The following PDE10A variants were observed in gnomAD, a reference collection of about 807,000 sequenced individuals.
PDE10A encodes phosphodiesterase 10A, also known as cAMP and cAMP-inhibited cGMP 3',5'-cyclic phosphodiesterase 10A.
Under a neutral mutation model 97.7 loss-of-function variants are expected in PDE10A, and 39 were observed. The observed-to-expected ratio is 0.40, with a 90% CI of 0.31 to 0.52. The LOEUF is 0.52. PDE10A is among the 20% of genes least tolerant of loss of function. The pLI is 0.56. For missense variants in PDE10A, 731 were observed against 1,047.8 expected (o/e 0.70, Z 4.17); for synonymous variants, 371 against 376.8 (o/e 0.98, Z 0.18).
intron 1 of PDE10A, among the ~76,000 whole-genome samples, chr6:165,657,278 G>A (rs1388771738): frequency 6.6e-6 from 1 of 152,218 alleles, no homozygotes; most frequent in Non-Finnish European, 1.5e-5. Context: ...TGATTTCCTT[G>A]CAAGATTATG....
intron 17 of PDE10A, among the ~76,000 whole-genome samples, chr6:165,379,633 C>A (rs141511692): frequency 6.6e-6 from 1 of 151,944 alleles, no homozygotes; most frequent in East Asian, 1.9e-4. Flanking sequence ...CATAAAACCC[C>A]AGTGATTTAA....
chr6:165,514,240 C>T (rs1781666376), intron 2 of PDE10A, among the ~76,000 whole-genome samples: 1 of 152,118 alleles, frequency 6.6e-6, no homozygotes, highest in African/African-American at 2.4e-5. Flanking sequence ...TTTATCGGTG[C>T]TTTTCTTGTG....
intron 18 of PDE10A, among the ~76,000 whole-genome samples, chr6:165,357,963 C>T (rs1399482416): frequency 6.6e-6 from 1 of 152,024 alleles, no homozygotes; most frequent in Non-Finnish European, 1.5e-5. Flanking sequence ...TTATACATTT[C>T]CCTCTCAGCA....
intron 2 of PDE10A, among the ~76,000 whole-genome samples, chr6:165,520,270 G>A (rs2128307845): frequency 6.6e-6 from 1 of 152,212 alleles, no homozygotes; most frequent in East Asian, 1.9e-4. Flanking sequence ...CAGCCCAAAT[G>A]TGATCTGAAA....
chr6:165,336,263 TC>T, intron 20 of PDE10A, 52 bp from the exon 21 acceptor site: 1 of 1,142,678 alleles, frequency 8.8e-7, no homozygotes, highest in Non-Finnish European at 1.3e-6. Flanking sequence ...CATTAGCAAT[TC>T]CAGTGATATT....
rs1431309175 is a variant in PDE10A at position 165,568,024 on chromosome 6, A to G, written c.866-24456T>C. On this transcript the variant is annotated intron_variant, in intron 1 of 21. Transcript: ENST00000539869. ...TTTTTTTTTTTTTTTTTTGAGACGGAGTCTCGCTCTGTCGCCCAGGCTGGA... is the reference window on the plus strand; with the variant it reads ...TTTTTTTTTTTTTTTTTTGAGACGGGGTCTCGCTCTGTCGCCCAGGCTGGA... 1.4e-4 allele frequency among the ~76,000 whole-genome samples: 16 copies of G among 110,592 alleles called. 1 individual carries two copies. Among genetic ancestry groups the G allele is most frequent in the African/African-American group, 4.4e-4 (13 of 29,746 alleles). The allele number at this position is 110,592 out of a possible 152,430, so 72.6% of individuals were successfully genotyped here. A position where few individuals can be genotyped will look rare whatever the true frequency, so the allele number is the denominator to read the frequency against.
intron 1 of PDE10A, among the ~76,000 whole-genome samples, chr6:165,578,546 C>A (rs537950067): frequency 6.6e-6 from 1 of 152,316 alleles, no homozygotes; most frequent in Admixed American, 6.5e-5. Context: ...CCTCCACCAT[C>A]TGGCCCCAAA....
intron 1 of PDE10A, among the ~76,000 whole-genome samples, chr6:165,756,908 T>C (rs1333847025): frequency 6.6e-6 from 1 of 152,146 alleles, no homozygotes; most frequent in Non-Finnish European, 1.5e-5. Flanking sequence ...ATTATTTCTT[T>C]TTTTGTGAAC....
At chr6:165,591,355 G>A (rs1424427127) in intron 1 of PDE10A, among the ~76,000 whole-genome samples, 2 of 152,180 alleles carry the variant, frequency 1.3e-5, no homozygotes, top group African/African-American at 4.8e-5. Context: ...ACTGGAATGA[G>A]GTATAAGTTC....
chr6:165,635,074 G>C (rs1182502438), intron 1 of PDE10A, among the ~76,000 whole-genome samples: 1 of 152,186 alleles, frequency 6.6e-6, no homozygotes, highest in Non-Finnish European at 1.5e-5. Flanking sequence ...GGGAGGTAGA[G>C]GGGACATTCC....
At chr6:165,909,073 A>G (rs1357091373) in intron 1 of PDE10A, 2 of 152,212 alleles carry the variant, frequency 1.3e-5, no homozygotes, top group Non-Finnish European at 2.9e-5. Flanking sequence ...CTCTGTAGAA[A>G]GCTGTGTCTT....
chr6:165,529,303 T>A (rs1308135849), intron 2 of PDE10A, among the ~76,000 whole-genome samples: 1 of 152,200 alleles, frequency 6.6e-6, no homozygotes, highest in African/African-American at 2.4e-5. Flanking sequence ...CGTTAGGGCA[T>A]CTCTTAGTAT....
chr6:165,717,306 A>G (rs1276540986), intron 1 of PDE10A, among the ~76,000 whole-genome samples: 1 of 152,188 alleles, frequency 6.6e-6, no homozygotes, highest in African/African-American at 2.4e-5. Context: ...AAAAATGTGT[A>G]CAGGCCAGGC....
intron 8 of PDE10A, 95 bp from the exon 9 acceptor site, chr6:165,430,440 G>A: frequency 7.1e-6 from 5 of 706,430 alleles, no homozygotes; most frequent in South Asian, 1.8e-5. Flanking sequence ...ATTGAAAGAA[G>A]GCCTAACACA....
intron 18 of PDE10A, among the ~76,000 whole-genome samples, chr6:165,362,802 C>T (rs1184668366): frequency 1.3e-5 from 2 of 152,160 alleles, no homozygotes; most frequent in African/African-American, 4.8e-5. Flanking sequence ...AATACAGGCA[C>T]TAATGTCCTC....
chr6:165,870,134 A>G (rs908726856), intron 1 of PDE10A, among the ~76,000 whole-genome samples: 1 of 152,204 alleles, frequency 6.6e-6, no homozygotes, highest in Non-Finnish European at 1.5e-5. Flanking sequence ...CACTGCCAGG[A>G]AAAAATCAAC....
At chr6:165,583,215 C>T (rs1309631041) in intron 1 of PDE10A, among the ~76,000 whole-genome samples, 1 of 152,198 alleles carries the variant, frequency 6.6e-6, no homozygotes, top group Non-Finnish European at 1.5e-5. Flanking sequence ...GAAGTTAGGT[C>T]ACTTGCCAAA....
At chr6:165,590,325 A>C (rs1332668325) in intron 1 of PDE10A, among the ~76,000 whole-genome samples, 1 of 152,234 alleles carries the variant, frequency 6.6e-6, no homozygotes, top group African/African-American at 2.4e-5. Flanking sequence ...AGGGAGGTTA[A>C]ATAGCTGGCC....
chr6:165,885,318 CCTT>C (rs373528917), intron 1 of PDE10A, among the ~76,000 whole-genome samples: 41 of 152,218 alleles, frequency 2.7e-4, no homozygotes, highest in South Asian at 1.0e-3. Context: ...GAAGTGGGCA[CCTT>C]CTTCACAAGG....
Sources: gnomAD v4.1 joint callset for allele counts (sites outside exome capture counted in the v4.1 genomes callset) on GRCh38, gnomAD v4.1.1 for gene constraint, MANE v1.5 for transcripts, NCBI Gene and HGNC (gene_info 2026-07-23, HGNC 2026-07-21) for gene names.